The following BRD10 variants were observed in gnomAD, a reference collection of about 807,000 sequenced individuals.
BRD10 encodes uncharacterized bromodomain-containing protein 10.
chr9:5,990,840 T>A, the BRD10 span, among the ~76,000 whole-genome samples: 1 of 151,936 alleles, frequency 6.6e-6, no homozygotes, highest in Non-Finnish European at 1.5e-5. Context: ...TCATTAAAGT[T>A]TAACATGAAC....
At chr9:5,915,138 A>C in the BRD10 span, among the ~76,000 whole-genome samples, 1 of 152,178 alleles carries the variant, frequency 6.6e-6, no homozygotes, top group African/African-American at 2.4e-5. Flanking sequence ...ACAGTCAAAA[A>C]TAAAAGTTTT....
the BRD10 span, among the ~76,000 whole-genome samples, chr9:5,918,056 T>C: frequency 1.3e-5 from 2 of 152,204 alleles, no homozygotes; most frequent in South Asian, 2.1e-4. Context: ...CGCAATGCAA[T>C]GCACTTGAAA....
At chr9:5,937,210 T>C in the BRD10 span, among the ~76,000 whole-genome samples, 15 of 118,764 alleles carry the variant, frequency 1.3e-4, no homozygotes, top group African/African-American at 4.0e-4. Context: ...GCCTGGGCGA[T>C]AGAGCAAGAC....
the BRD10 span, among the ~76,000 whole-genome samples, chr9:5,942,373 C>T: frequency 9.2e-5 from 14 of 152,192 alleles, no homozygotes; most frequent in African/African-American, 3.4e-4. Flanking sequence ...GAACACCTTA[C>T]TCCCAAATGA....
the BRD10 span, among the ~76,000 whole-genome samples, chr9:5,955,739 A>G: frequency 6.7e-6 from 1 of 149,672 alleles, no homozygotes; most frequent in Admixed American, 6.6e-5. Flanking sequence ...AACCCAACAT[A>G]TATTTCTTTA....
chr9:5,914,850 T>C, the BRD10 span, among the ~76,000 whole-genome samples: 5 of 152,156 alleles, frequency 3.3e-5, no homozygotes, highest in African/African-American at 9.7e-5. Flanking sequence ...TAAACCATAA[T>C]TGAATTTTGT....
the BRD10 span, among the ~76,000 whole-genome samples, chr9:5,970,808 T>G: frequency 1.3e-5 from 2 of 152,124 alleles, no homozygotes; most frequent in African/African-American, 2.4e-5. Flanking sequence ...CCCAGCATTT[T>G]GGGAGGCTGA....
the BRD10 span, chr9:5,968,537 A>C: frequency 6.2e-7 from 1 of 1,613,240 alleles, no homozygotes; most frequent in African/African-American, 1.3e-5. Context: ...GTTGGATTTT[A>C]CTCCCATTTC....
At chr9:5,908,597 A>G in the BRD10 span, 1 of 1,514,776 alleles carries the variant, frequency 6.6e-7, no homozygotes, top group Non-Finnish European at 9.2e-7. Context: ...AGAAACACAT[A>G]CACTGTTGCC....
chr9:5,881,618 GT>G, the BRD10 span: 3 of 152,344 alleles, frequency 2.0e-5, no homozygotes, highest in East Asian at 5.8e-4. Flanking sequence ...GAAGGGCTGT[GT>G]ACAGTGAGTA....
the BRD10 span, among the ~76,000 whole-genome samples, chr9:5,997,714 T>G: frequency 2.0e-5 from 3 of 152,220 alleles, no homozygotes; most frequent in Non-Finnish European, 4.4e-5. Flanking sequence ...GATTTCAACC[T>G]CACTTCTTCA....
the BRD10 span, among the ~76,000 whole-genome samples, chr9:5,977,643 C>T: frequency 3.9e-5 from 6 of 151,946 alleles, no homozygotes; most frequent in Admixed American, 1.3e-4. Flanking sequence ...GTCAGGAGAT[C>T]GAGACCACGG....
At chr9:5,985,088 TCAGAAAGACTCACAAATA>T in the BRD10 span, among the ~76,000 whole-genome samples, 1 of 152,156 alleles carries the variant, frequency 6.6e-6, no homozygotes, top group Admixed American at 6.5e-5. Context: ...AGAACACAGT[TCAGAAAGACTCACAAATA>T]ATACGTTCAA....
chr9:5,986,012 G>A, the BRD10 span, among the ~76,000 whole-genome samples: 17 of 152,136 alleles, frequency 1.1e-4, no homozygotes, highest in Non-Finnish European at 2.5e-4. Context: ...TGCAGGACAT[G>A]CAGGTTTGTT....
At chr9:5,985,899 C>T in the BRD10 span, among the ~76,000 whole-genome samples, 2 of 151,926 alleles carry the variant, frequency 1.3e-5, no homozygotes, top group African/African-American at 4.8e-5. Context: ...TACAAGGAAA[C>T]TAGATGGCAT....
chr9:5,957,738 A>T, the BRD10 span, among the ~76,000 whole-genome samples: 1 of 152,298 alleles, frequency 6.6e-6, no homozygotes, highest in East Asian at 1.9e-4. Flanking sequence ...TGAAAAAAAC[A>T]ATTTCAGTAT....
At chr9:5,984,054 C>CA in the BRD10 span, among the ~76,000 whole-genome samples, 161 of 145,524 alleles carry the variant, frequency 1.1e-3, no homozygotes, top group African/African-American at 3.0e-3. Context: ...CTTTTTCAGT[C>CA]AAAAAAAAAC....
chr9:5,908,694 C>G, the BRD10 span: 3 of 1,614,024 alleles, frequency 1.9e-6, no homozygotes, highest in South Asian at 2.2e-5. Flanking sequence ...GTCACCACCA[C>G]CTTATTCACC....
the BRD10 span, among the ~76,000 whole-genome samples, chr9:6,005,562 T>A: frequency 6.6e-6 from 1 of 152,188 alleles, no homozygotes. Flanking sequence ...CACCAGTAAT[T>A]CAAACCCATA....
Sources: gnomAD v4.1 joint callset for allele counts (sites outside exome capture counted in the v4.1 genomes callset) on GRCh38, gnomAD v4.1.1 for gene constraint, MANE v1.5 for transcripts, NCBI Gene and HGNC (gene_info 2026-07-23, HGNC 2026-07-21) for gene names.